UGT2B7: variants seen among roughly 807,000 people sequenced by gnomAD.
The protein encoded by UGT2B7 is UDP glucuronosyltransferase family 2 member B7.
Under a neutral mutation model 51.9 loss-of-function variants are expected in UGT2B7, and 51 were observed. The observed-to-expected ratio is 0.98, with a 90% CI of 0.78 to 1.24. The LOEUF is 1.24. UGT2B7 is among the 50% of genes most tolerant of loss of function. The pLI, the probability that UGT2B7 is intolerant of heterozygous loss-of-function variation, is 0.00. For synonymous variants in UGT2B7, 225 were observed against 211.6 expected (o/e 1.06, Z -0.55); for missense variants, 727 against 628.4 (o/e 1.16, Z -1.68).
intron 1 of UGT2B7, among the ~76,000 whole-genome samples, chr4:69,068,130 T>A (rs562668881): frequency 6.6e-6 from 1 of 152,246 alleles, no homozygotes; most frequent in East Asian, 1.9e-4. Context: ...ATATTAGTTA[T>A]TCATTTCTTT....
intron 5 of UGT2B7, among the ~76,000 whole-genome samples, chr4:69,109,043 T>G (rs1719697039): frequency 6.6e-6 from 1 of 152,126 alleles, no homozygotes; most frequent in Non-Finnish European, 1.5e-5. Context: ...TTTTGTTGTT[T>G]TTTTTTTCTG....
In UGT2B7 at chr4:69,098,534, T is replaced by C; in HGVS notation, c.722-6T>C. ...CATCCACCTTTTTTTTTTCTATTCCTGTCAGGAAGACCCACTACATTATCT... is the reference window on the plus strand; with the variant it reads ...CATCCACCTTTTTTTTTTCTATTCCCGTCAGGAAGACCCACTACATTATCT... On this transcript the variant is annotated splice_polypyrimidine_tract_variant and splice_region_variant and intron_variant, in intron 1 of 5. Coordinates refer to ENST00000305231, the MANE Select transcript of UGT2B7 (RefSeq NM_001074.4). The C allele has an allele frequency of 6.3e-7, 1 of 1,587,054 alleles. No homozygotes were observed. Among genetic ancestry groups the C allele is most frequent in the Non-Finnish European group, 8.5e-7 (1 of 1,173,180 alleles).
intron 1 of UGT2B7, among the ~76,000 whole-genome samples, chr4:69,078,363 G>T (rs1393437730): frequency 6.6e-6 from 1 of 152,128 alleles, no homozygotes; most frequent in African/African-American, 2.4e-5. Context: ...AATAGTTTCA[G>T]AAGGAATGGT....
intron 1 of UGT2B7, among the ~76,000 whole-genome samples, chr4:69,068,385 T>C (rs1718526128): frequency 6.6e-6 from 1 of 152,026 alleles, no homozygotes; most frequent in African/African-American, 2.4e-5. Context: ...TTTTGAAGAA[T>C]TATAAAATCA....
At chr4:69,077,872 T>G (rs9993579) in intron 1 of UGT2B7, among the ~76,000 whole-genome samples, 1 of 152,204 alleles carries the variant, frequency 6.6e-6, no homozygotes, top group Admixed American at 6.5e-5. Context: ...TCAAAGGGAA[T>G]GCTTCCAGCT....
chr4:69,058,048 G>A (rs755426703), intron 1 of UGT2B7, among the ~76,000 whole-genome samples: 24 of 152,204 alleles, frequency 1.6e-4, no homozygotes, highest in African/African-American at 2.9e-4. Flanking sequence ...AGTTCAAGCC[G>A]AGAGTAATCA....
upstream of UGT2B7, among the ~76,000 whole-genome samples, chr4:69,093,768 G>A (rs1016202025): frequency 6.6e-6 from 1 of 152,156 alleles, no homozygotes; most frequent in Non-Finnish European, 1.5e-5. Flanking sequence ...CCCTGGGTGA[G>A]GAAATTTTCC....
chr4:69,073,222 G>A (rs1718637214), intron 1 of UGT2B7, among the ~76,000 whole-genome samples: 1 of 152,102 alleles, frequency 6.6e-6, no homozygotes, highest in Non-Finnish European at 1.5e-5. Flanking sequence ...CACTGGAGTA[G>A]CCAGGTACTT....
chr4:69,096,442 C>A (rs560884549), upstream of UGT2B7: 36 of 1,589,414 alleles, frequency 2.3e-5, no homozygotes, highest in Non-Finnish European at 2.1e-5. Context: ...AACTTCTTGG[C>A]TAATTTATCT....
Position 69,112,535 on chromosome 4 carries a change from G to A in UGT2B7, c.1389G>A (p.Trp463Ter), listed in dbSNP as rs762834462. The A allele has an allele frequency of 5.6e-6, 9 of 1,613,888 alleles. No individual in the cohort carries two copies. In the East Asian group the frequency reaches 2.0e-4, roughly 36 times the overall value. ...AGCCCCTGGATCGAGCAGTCTTCTG[G>A]ATTGAATTTGTCATGCGCCACAAAG... ...PVKPLDRAVF[W>*]IEFVMRHKGA... The change falls in exon 6 of 6, where the codon TGG becomes TGA. Residue 463 changes from tryptophan (W) to a stop codon, truncating the protein, a stop_gained. Coordinates refer to ENST00000305231, the MANE Select transcript of UGT2B7 (RefSeq NM_001074.4). LOFTEE classifies it high-confidence loss of function.
intron 1 of UGT2B7, among the ~76,000 whole-genome samples, chr4:69,067,084 G>C (rs562129880): frequency 1.1e-4 from 16 of 152,168 alleles, no homozygotes; most frequent in African/African-American, 3.9e-4. Flanking sequence ...TCTTTTGTGG[G>C]GGAGGGTGGT....
intron 1 of UGT2B7, among the ~76,000 whole-genome samples, chr4:69,084,834 A>G (rs1425204517): frequency 1.3e-5 from 2 of 152,144 alleles, no homozygotes; most frequent in Admixed American, 1.3e-4. Context: ...TTCATGGTAT[A>G]TATTGCCACA....
At chr4:69,103,873 A>G (rs1719503372) in intron 3 of UGT2B7, among the ~76,000 whole-genome samples, 1 of 152,238 alleles carries the variant, frequency 6.6e-6, no homozygotes, top group African/African-American at 2.4e-5. Context: ...TATGCGGTAT[A>G]TTCTCTGTTT....
At chr4:69,064,873 T>C (rs1718454249) in intron 1 of UGT2B7, among the ~76,000 whole-genome samples, 1 of 152,116 alleles carries the variant, frequency 6.6e-6, no homozygotes, top group South Asian at 2.1e-4. Context: ...TTGGTAATAT[T>C]TTGCCGTTAA....
At chr4:69,069,967 G>A (rs543138323) in intron 1 of UGT2B7, 1 of 152,098 alleles carries the variant, frequency 6.6e-6, no homozygotes, top group African/African-American at 2.4e-5. Flanking sequence ...ATCAAGGTAT[G>A]GAGTAAATTC....
At chr4:69,102,599 C>G (rs1719454272) in intron 2 of UGT2B7, among the ~76,000 whole-genome samples, 1 of 152,048 alleles carries the variant, frequency 6.6e-6, no homozygotes, top group Non-Finnish European at 1.5e-5. Flanking sequence ...CACATATTTA[C>G]ACAAATATCC....
chr4:69,062,758 C>G (rs892979439), intron 1 of UGT2B7, among the ~76,000 whole-genome samples: 1 of 152,206 alleles, frequency 6.6e-6, no homozygotes, highest in African/African-American at 2.4e-5. Flanking sequence ...AAGCCCTGCT[C>G]TAGTCACACC....
chr4:69,092,464 C>T (rs986067034), upstream of UGT2B7, among the ~76,000 whole-genome samples: 3 of 152,098 alleles, frequency 2.0e-5, no homozygotes, highest in Non-Finnish European at 4.4e-5. Context: ...CTTGCAGTCC[C>T]TTTTGTGCTC....
chr4:69,098,717 G>A (rs764182720), intron 2 of UGT2B7, 29 bp downstream of exon 2: 9 of 1,600,772 alleles, frequency 5.6e-6, no homozygotes, highest in Non-Finnish European at 6.8e-6. Context: ...GTTTTATTTT[G>A]TTGGCTTTGA....
Sources: gnomAD v4.1 joint callset for allele counts (sites outside exome capture counted in the v4.1 genomes callset) on GRCh38, gnomAD v4.1.1 for gene constraint, MANE v1.5 for transcripts, NCBI Gene and HGNC (gene_info 2026-07-23, HGNC 2026-07-21) for gene names.